HPN: variants seen among roughly 807,000 people sequenced by gnomAD.
The protein encoded by HPN is hepsin.
Under a neutral mutation model 55.9 loss-of-function variants are expected in HPN, and 13 were observed. The ratio of observed to expected loss-of-function variants is 0.23; its 90% CI spans 0.15 to 0.37. The LOEUF (loss-of-function observed/expected upper bound fraction) is 0.37. Ranked by LOEUF, HPN falls within the 10% of genes least tolerant of loss-of-function variation. The probability of loss-of-function intolerance (pLI) is 1.00; values close to 1 mark genes in which losing one functional copy is unlikely to be tolerated. For synonymous variants in HPN, 225 were observed against 240.3 expected (o/e 0.94, Z 0.59); for missense variants, 451 against 575.8 (o/e 0.78, Z 2.22).
At chr19:35,043,414 C>T (rs1302213730) in intron 2 of HPN, among the ~76,000 whole-genome samples, 5 of 152,178 alleles carry the variant, frequency 3.3e-5, no homozygotes, top group East Asian at 1.9e-4. Flanking sequence ...TCTCTTCTTC[C>T]GCAACCAGGA....
At chr19:35,044,045 T>C (rs868119532) in intron 2 of HPN, among the ~76,000 whole-genome samples, 3 of 151,976 alleles carry the variant, frequency 2.0e-5, no homozygotes, top group Non-Finnish European at 4.4e-5. Context: ...GTGACCCGGG[T>C]TTGGTGGCTG....
chr19:35,045,219 T>C (rs2064330357), intron 2 of HPN, among the ~76,000 whole-genome samples: 1 of 151,952 alleles, frequency 6.6e-6, no homozygotes, highest in Non-Finnish European at 1.5e-5. Context: ...TGAGACAGAC[T>C]TAGGGGCAAG....
intron 4 of HPN, among the ~76,000 whole-genome samples, chr19:35,053,785 C>T (rs903128700): frequency 1.3e-5 from 2 of 151,056 alleles, no homozygotes; most frequent in African/African-American, 4.9e-5. Context: ...TAAGAATCCG[C>T]CCCCCTCCCC....
chr19:35,045,117 A>C (rs1399152120), intron 2 of HPN, among the ~76,000 whole-genome samples: 2 of 152,060 alleles, frequency 1.3e-5, no homozygotes, highest in Non-Finnish European at 2.9e-5. Flanking sequence ...GGTATTTAAA[A>C]GGTATTTAAA....
Position 35,059,863 on chromosome 19 carries a change from G to A in HPN, c.291-11G>A. 1 of 1,501,000 alleles carries A rather than the reference G, an allele frequency of 6.7e-7. No homozygotes were observed. 93.0% of individuals were successfully genotyped at this position (1,501,000 alleles called of 1,614,324 possible). A position where few individuals can be genotyped will look rare whatever the true frequency, so the allele number is the denominator to read the frequency against. Reference sequence around the variant, plus strand: ...GGGCTGGGGAGCAGGCCTAACCCCTGCCCCGCCCAGGGCACTGACCCACTC... The same window carrying A: ...GGGCTGGGGAGCAGGCCTAACCCCTACCCCGCCCAGGGCACTGACCCACTC... On this transcript the variant is annotated splice_polypyrimidine_tract_variant and intron_variant, in intron 5 of 12. Transcript: ENST00000672452.
chr19:35,066,356 T>A lies in HPN; in HGVS notation c.*69T>A, dbSNP rs1042328. 9.0e-6 allele frequency: 14 copies of A among 1,555,654 alleles called. No individual in the cohort carries two copies. In the East Asian group the frequency reaches 2.7e-4, roughly 29 times the overall value. On this transcript the variant is annotated 3_prime_UTR_variant, in exon 13 of 13. Transcript: ENST00000672452. ...CCGGTGGTGGGATCCACGCTGGGCC[T>A]AGGATGGGACGTTTTTCTTCTTGGG...
chr19:35,057,655 A>C (rs887041349), intron 4 of HPN, among the ~76,000 whole-genome samples: 2 of 152,138 alleles, frequency 1.3e-5, no homozygotes, highest in South Asian at 2.1e-4. Context: ...AGTTCAAGAG[A>C]TATATTGAAC....
intron 4 of HPN, among the ~76,000 whole-genome samples, chr19:35,054,443 G>A (rs571337217): frequency 6.6e-6 from 1 of 151,976 alleles, no homozygotes; most frequent in South Asian, 2.1e-4. Context: ...AACCGAAGTG[G>A]TCACTATCTC....
intron 4 of HPN, among the ~76,000 whole-genome samples, chr19:35,050,040 T>A (rs2064387260): frequency 6.6e-6 from 1 of 152,170 alleles, no homozygotes; most frequent in African/African-American, 2.4e-5. Flanking sequence ...TGTTTCTTAC[T>A]GCGTGGCATG....
intron 4 of HPN, among the ~76,000 whole-genome samples, chr19:35,058,698 C>G (rs890127948): frequency 2.7e-5 from 4 of 150,072 alleles, no homozygotes; most frequent in African/African-American, 9.8e-5. Context: ...ATGAAGAAAC[C>G]AGGCTATGAT....
chr19:35,053,378 G>C (rs2151759824), intron 4 of HPN, among the ~76,000 whole-genome samples: 1 of 152,240 alleles, frequency 6.6e-6, no homozygotes, highest in South Asian at 2.1e-4. Flanking sequence ...CCAAGCCTTG[G>C]CTTTCATGGG....
At chr19:35,060,543 G>A (rs2151765842) in intron 8 of HPN, 31 bp downstream of exon 8, 5 of 1,611,702 alleles carry the variant, frequency 3.1e-6, no homozygotes, top group Non-Finnish European at 4.2e-6. Flanking sequence ...CTGATGATGG[G>A]GAGGCAGAGG....
intron 7 of HPN, 83 bp from the exon 8 acceptor site, chr19:35,060,264 C>T (rs1351051656): frequency 1.2e-6 from 2 of 1,606,888 alleles, no homozygotes; most frequent in East Asian, 2.2e-5. Context: ...CTTTCAGACC[C>T]CCTAGGGCAG....
chr19:35,041,102 G>A (rs2064289084), upstream of HPN, among the ~76,000 whole-genome samples: 1 of 152,228 alleles, frequency 6.6e-6, no homozygotes, highest in South Asian at 2.1e-4. Context: ...CTTGGCCTGG[G>A]CCTCTGCCCT....
Position 35,059,929 on chromosome 19 carries a change from G to C in HPN, c.346G>C (p.Gly116Arg). The part of the protein sequence containing the change: ...VRTAGANGTS[G>R]FFCVDEGRLP... ...AACGGCGGGCGCCAATGGCACGTCG[G>C]GCTTCTTCTGTGTGGACGAGGGGAG... Residue 116 changes from glycine (G) to arginine (R), a missense_variant, in exon 6 of 13, where the codon GGC becomes CGC. Transcript: ENST00000672452. The C allele has an allele frequency of 6.6e-7, 1 of 1,523,782 alleles. No individual in the cohort carries two copies. Among genetic ancestry groups the C allele is most frequent in the African/African-American group, 1.4e-5 (1 of 72,480 alleles). The allele number at this position is 1,523,782 out of a possible 1,614,324, so 94.4% of individuals were successfully genotyped here.
intron 4 of HPN, among the ~76,000 whole-genome samples, chr19:35,050,831 G>C (rs900955679): frequency 1.3e-5 from 2 of 151,650 alleles, no homozygotes; most frequent in African/African-American, 4.9e-5. Context: ...CCAAGGCCTT[G>C]GGACCTTATG....
intron 4 of HPN, among the ~76,000 whole-genome samples, chr19:35,054,954 G>A (rs926266456): frequency 6.6e-6 from 1 of 152,154 alleles, no homozygotes; most frequent in South Asian, 2.1e-4. Context: ...GCAAAAGCAA[G>A]TTTTCATTTG....
At chr19:35,052,293 C>G (rs1047944622) in intron 4 of HPN, among the ~76,000 whole-genome samples, 8 of 151,952 alleles carry the variant, frequency 5.3e-5, no homozygotes, top group Admixed American at 2.0e-4. Flanking sequence ...TTTGGGAGGC[C>G]GAGGCAGGCA....
intron 9 of HPN, among the ~76,000 whole-genome samples, chr19:35,063,713 A>T (rs1185305110): frequency 1.3e-5 from 2 of 152,186 alleles, no homozygotes; most frequent in African/African-American, 4.8e-5. Context: ...TTAATATTGA[A>T]GTAAGGACGC....
Sources: allele counts gnomAD v4.1 joint callset (sites outside exome capture counted in the v4.1 genomes callset), GRCh38; gene constraint gnomAD v4.1.1; transcripts MANE v1.5; gene names NCBI Gene and HGNC (gene_info 2026-07-23, HGNC 2026-07-21).